Variants in CPNE4 observed in about 807,000 individuals in gnomAD.
The protein encoded by CPNE4 is copine-4.
In CPNE4, 25 loss-of-function variants were observed where a neutral mutation model predicts 67.9. That is an observed-to-expected ratio of 0.37 (90% confidence interval 0.27 to 0.51). The LOEUF (loss-of-function observed/expected upper bound fraction) is 0.51. CPNE4 is among the 20% of genes least tolerant of loss of function. The probability of loss-of-function intolerance (pLI) is 0.93; values close to 1 mark genes in which losing one functional copy is unlikely to be tolerated. For missense variants in CPNE4, 464 were observed against 690.8 expected (o/e 0.67, Z 3.68); for synonymous variants, 242 against 244.9 (o/e 0.99, Z 0.11).
At chr3:131,537,804 T>C (rs150351218) in intron 15 of CPNE4, 1 of 156,136 alleles carries the variant, frequency 6.4e-6, no homozygotes, top group African/African-American at 2.4e-5. Flanking sequence ...ATGTGCTGGC[T>C]CTGACACTAT....
At chr3:131,735,629 T>A (rs1331187000) in intron 2 of CPNE4, among the ~76,000 whole-genome samples, 3 of 152,226 alleles carry the variant, frequency 2.0e-5, no homozygotes, top group Admixed American at 2.0e-4. Context: ...CAAAGACATT[T>A]TAAGAAGTTT....
chr3:131,912,561 G>C (rs1560588688), intron 1 of CPNE4, among the ~76,000 whole-genome samples: 2 of 152,118 alleles, frequency 1.3e-5, no homozygotes, highest in Non-Finnish European at 2.9e-5. Context: ...CTGAATGCTG[G>C]AGGCACTGAA....
chr3:131,775,564 TGATAGTGA>T (rs1369286032), intron 2 of CPNE4, among the ~76,000 whole-genome samples: 1 of 152,084 alleles, frequency 6.6e-6, no homozygotes, highest in Admixed American at 6.6e-5. Context: ...GCTTTTCTTG[TGATAGTGA>T]GTAAGTCTCA....
At chr3:131,890,494 TG>T (rs2088072442) in intron 2 of CPNE4, among the ~76,000 whole-genome samples, 1 of 151,362 alleles carries the variant, frequency 6.6e-6, no homozygotes, top group South Asian at 2.1e-4. Flanking sequence ...ACACTGTTGG[TG>T]GGAATATAAA....
At chr3:131,773,987 A>AAGAT (rs2083232828) in intron 2 of CPNE4, among the ~76,000 whole-genome samples, 1 of 152,162 alleles carries the variant, frequency 6.6e-6, no homozygotes, top group South Asian at 2.1e-4. Flanking sequence ...CTGCTCTTTT[A>AAGAT]AGATAGCAGG....
chr3:131,554,411 G>A (rs148150556), intron 12 of CPNE4, among the ~76,000 whole-genome samples: 3 of 152,054 alleles, frequency 2.0e-5, no homozygotes, highest in Admixed American at 6.6e-5. Context: ...CCTGAATAAT[G>A]TCTATAGGCC....
At position 131,871,552 on chromosome 3, in the gene CPNE4, G is replaced by T. The variant is rs373960712; in HGVS notation, c.180+33712C>A. On this transcript the variant is annotated intron_variant, in intron 2 of 15. Coordinates refer to ENST00000429747, the MANE Select transcript of CPNE4 (RefSeq NM_130808.3). ...ATCCTGCTTCATTGGGGAATGAAGT[G>T]TATCAACATTTTCTGTGGGTCCAGA... Among the ~76,000 whole-genome samples, 19 of 152,262 alleles carry T rather than the reference G, an allele frequency of 1.2e-4. No individual in the cohort carries two copies. In the East Asian group the frequency reaches 3.3e-3, roughly 26 times the overall value.
intron 7 of CPNE4, among the ~76,000 whole-genome samples, chr3:131,592,814 G>A (rs1270190590): frequency 2.6e-5 from 4 of 151,088 alleles, no homozygotes; most frequent in Non-Finnish European, 5.9e-5. Context: ...ACAGTACAGA[G>A]GAAGAACCTG....
intron 3 of CPNE4, among the ~76,000 whole-genome samples, chr3:131,709,902 C>T (rs1288787974): frequency 6.6e-6 from 1 of 152,202 alleles, no homozygotes; most frequent in East Asian, 1.9e-4. Flanking sequence ...CCTGACATTC[C>T]TACCTAAATT....
chr3:131,910,838 T>C (rs1000206008), intron 1 of CPNE4, among the ~76,000 whole-genome samples: 7 of 152,172 alleles, frequency 4.6e-5, no homozygotes, highest in Admixed American at 1.3e-4. Flanking sequence ...TCTAGGAACC[T>C]CCGTATGAAT....
chr3:131,836,166 A>C (rs2085551161), intron 2 of CPNE4, among the ~76,000 whole-genome samples: 1 of 152,192 alleles, frequency 6.6e-6, no homozygotes, highest in South Asian at 2.1e-4. Context: ...GGCTTTAAAA[A>C]ATGAAACTGA....
At chr3:131,673,906 G>C (rs1468750056) in intron 6 of CPNE4, among the ~76,000 whole-genome samples, 1 of 152,100 alleles carries the variant, frequency 6.6e-6, no homozygotes, top group Non-Finnish European at 1.5e-5. Flanking sequence ...TTAGAGGAAA[G>C]GCTTTCAGTT....
intron 2 of CPNE4, among the ~76,000 whole-genome samples, chr3:131,840,798 C>A (rs553499828): frequency 1.3e-5 from 2 of 152,316 alleles, no homozygotes; most frequent in South Asian, 4.1e-4. Flanking sequence ...GGCATTCACA[C>A]CAACTCAGGG....
upstream of CPNE4, among the ~76,000 whole-genome samples, chr3:132,038,212 A>G (rs1044398077): frequency 2.0e-5 from 3 of 152,062 alleles, no homozygotes; most frequent in Non-Finnish European, 4.4e-5. Flanking sequence ...CTGAGGTGTG[A>G]TGTATTACTG....
intron 1 of CPNE4, chr3:132,017,410 G>A (rs1470484315): frequency 2.0e-5 from 3 of 151,854 alleles, no homozygotes; most frequent in African/African-American, 7.3e-5. Flanking sequence ...AGAGTAGGGA[G>A]AATGGAAAAA....
chr3:131,831,770 T>C (rs1473200889), intron 2 of CPNE4, among the ~76,000 whole-genome samples: 1 of 152,142 alleles, frequency 6.6e-6, no homozygotes, highest in Non-Finnish European at 1.5e-5. Context: ...CCGAGGGTGG[T>C]TAGTGCGGAC....
rs561689852 is a variant in CPNE4, at chr3:131,535,304, C to T, written c.1565G>A (p.Ser522Asn). The T allele has an allele frequency of 5.6e-6, 9 of 1,613,610 alleles. No individual in the cohort carries two copies. Among genetic ancestry groups the T allele is most frequent in the Admixed American group, 5.0e-5 (3 of 59,772 alleles). Residue 522 changes from serine (S) to asparagine (N), a missense_variant, in exon 16 of 16, where the codon AGC (serine) becomes AAC (asparagine). Coordinates refer to ENST00000429747, the MANE Select transcript of CPNE4 (RefSeq NM_130808.3). ...KHASPAALAKSVLAEVPNQVV... is the reference protein window; with the variant it reads ...KHASPAALAKNVLAEVPNQVV... ...TTGGTTTGGGACTTCAGCCAGCACG[C>T]TCTTTGCCAGGGCAGCTGGAGATGC... is the stretch of plus-strand genomic sequence containing the variant.
intron 2 of CPNE4, among the ~76,000 whole-genome samples, chr3:131,890,300 A>G (rs1305943386): frequency 6.6e-6 from 1 of 152,116 alleles, no homozygotes; most frequent in Non-Finnish European, 1.5e-5. Flanking sequence ...TTTTCTCCAA[A>G]GAAGACATAA....
At chr3:132,032,272 A>C (rs1029004269) in intron 1 of CPNE4, among the ~76,000 whole-genome samples, 3 of 152,170 alleles carry the variant, frequency 2.0e-5, no homozygotes, top group Non-Finnish European at 2.9e-5. Flanking sequence ...TCCCAGTCAA[A>C]TATGCTGGGC....
Sources: gnomAD v4.1 joint callset for allele counts (sites outside exome capture counted in the v4.1 genomes callset) on GRCh38, gnomAD v4.1.1 for gene constraint, MANE v1.5 for transcripts, NCBI Gene and HGNC (gene_info 2026-07-23, HGNC 2026-07-21) for gene names.